ADAM18: variants seen among roughly 807,000 people sequenced by gnomAD.
ADAM18 encodes disintegrin and metalloproteinase domain-containing protein 18.
A neutral mutation model predicts 94.4 loss-of-function variants in ADAM18; 117 were observed. That is an observed-to-expected ratio of 1.24 (90% confidence interval 1.07 to 1.45). The LOEUF (loss-of-function observed/expected upper bound fraction) is 1.45. Ranked by LOEUF, ADAM18 falls within the 40% of genes most tolerant of loss-of-function variation. The pLI is 0.00. For synonymous variants in ADAM18, 327 were observed against 291.6 expected, an observed-to-expected ratio of 1.12 and a Z score of -1.24; for missense variants, 936 against 880.0, an observed-to-expected ratio of 1.06 and a Z score of -0.81.
intron 16 of ADAM18, among the ~76,000 whole-genome samples, chr8:39,690,431 G>A (rs973823685): frequency 5.9e-5 from 9 of 152,134 alleles, no homozygotes; most frequent in South Asian, 2.1e-4. Flanking sequence ...TGTCATAGGT[G>A]GGAGGTGCTA....
chr8:39,587,870 C>T (rs1325720131), intron 2 of ADAM18, among the ~76,000 whole-genome samples: 3 of 152,098 alleles, frequency 2.0e-5, no homozygotes, highest in Admixed American at 6.5e-5. Flanking sequence ...ATAGGATTTC[C>T]TTCTTTTTTG....
intron 18 of ADAM18, among the ~76,000 whole-genome samples, chr8:39,709,069 C>G (rs1345440944): frequency 1.3e-5 from 2 of 152,230 alleles, no homozygotes; most frequent in African/African-American, 4.8e-5. Flanking sequence ...GTGTGACAGT[C>G]TTTTGCATCC....
At chr8:39,660,970 G>A (rs1820817844) in intron 12 of ADAM18, among the ~76,000 whole-genome samples, 1 of 152,052 alleles carries the variant, frequency 6.6e-6, no homozygotes, top group Admixed American at 6.6e-5. Context: ...TTCCATAGGT[G>A]ATAATGTTGG....
At chr8:39,630,777 G>A (rs138699320) in intron 7 of ADAM18, among the ~76,000 whole-genome samples, 38 of 151,948 alleles carry the variant, frequency 2.5e-4, no homozygotes, top group African/African-American at 8.2e-4. Context: ...CATGGGATTG[G>A]TATGTTACCT....
At chr8:39,651,055 CAT>C (rs984344559) in intron 12 of ADAM18, among the ~76,000 whole-genome samples, 60 of 152,322 alleles carry the variant, frequency 3.9e-4, no homozygotes, top group African/African-American at 1.3e-3. Flanking sequence ...AGCAGGAAAA[CAT>C]GTGAACAAAT....
intron 2 of ADAM18, among the ~76,000 whole-genome samples, chr8:39,595,277 A>C (rs1818707848): frequency 6.6e-6 from 1 of 152,024 alleles, no homozygotes; most frequent in African/African-American, 2.4e-5. Context: ...GAATAGGTGA[A>C]GCACAGGGCT....
At chr8:39,615,937 C>T (rs1487124234) in intron 6 of ADAM18, among the ~76,000 whole-genome samples, 1 of 152,062 alleles carries the variant, frequency 6.6e-6, no homozygotes, top group Non-Finnish European at 1.5e-5. Context: ...AGGGGCAAAT[C>T]AAGAACACAA....
chr8:39,631,530 C>T (rs1474976473), intron 7 of ADAM18, among the ~76,000 whole-genome samples: 1 of 151,958 alleles, frequency 6.6e-6, no homozygotes, highest in Non-Finnish European at 1.5e-5. Context: ...CTGTTCACTT[C>T]CATTGCCCTA....
chr8:39,620,906 T>C (rs1819596675), intron 6 of ADAM18, among the ~76,000 whole-genome samples: 1 of 151,782 alleles, frequency 6.6e-6, no homozygotes, highest in Non-Finnish European at 1.5e-5. Flanking sequence ...GAATATTTAA[T>C]GGATACAATA....
At chr8:39,590,838 T>A (rs1394789954) in intron 2 of ADAM18, among the ~76,000 whole-genome samples, 1 of 152,204 alleles carries the variant, frequency 6.6e-6, no homozygotes, top group Admixed American at 6.5e-5. Context: ...AACTCTCTCA[T>A]GATTCCTTCT....
chr8:39,626,915 G>T (rs1168999757), intron 6 of ADAM18, among the ~76,000 whole-genome samples: 1 of 152,034 alleles, frequency 6.6e-6, no homozygotes, highest in Admixed American at 6.6e-5. Context: ...AGGTCCATTT[G>T]TTCTAGAGTA....
chr8:39,593,312 A>G (rs780796792), intron 2 of ADAM18, among the ~76,000 whole-genome samples: 10 of 152,166 alleles, frequency 6.6e-5, no homozygotes, highest in Non-Finnish European at 8.8e-5. Context: ...TAAAATGTCC[A>G]TACTACCCAA....
intron 14 of ADAM18, among the ~76,000 whole-genome samples, chr8:39,674,712 C>CAAAATGAAG (rs1821251889): frequency 6.6e-6 from 1 of 151,982 alleles, no homozygotes; most frequent in South Asian, 2.1e-4. Flanking sequence ...AGTTTCTTCT[C>CAAAATGAAG]TACATCGATG....
intron 5 of ADAM18, 115 bp from the exon 6 acceptor site, chr8:39,610,414 A>G: frequency 8.0e-7 from 1 of 1,255,392 alleles, no homozygotes. Context: ...AAATGGGCTT[A>G]AAATGTGTTC....
At chr8:39,677,410 C>A in intron 14 of ADAM18, 21 bp from the exon 15 acceptor site, 1 of 1,556,166 alleles carries the variant, frequency 6.4e-7, no homozygotes, top group Non-Finnish European at 8.8e-7. Flanking sequence ...GATAATTCAA[C>A]TGACATGTTT....
intron 12 of ADAM18, among the ~76,000 whole-genome samples, chr8:39,653,507 A>G (rs907239094): frequency 2.6e-5 from 4 of 152,234 alleles, no homozygotes; most frequent in Non-Finnish European, 5.9e-5. Context: ...TAGCCTTAAA[A>G]GAAATCACAT....
chr8:39,611,117 C>T (rs903746361), intron 6 of ADAM18: 4 of 989,738 alleles, frequency 4.0e-6, no homozygotes, highest in Admixed American at 6.1e-5. Context: ...TGCTGGTAGA[C>T]TAGGTATAGA....
intron 6 of ADAM18, chr8:39,611,333 C>A: frequency 1.6e-6 from 1 of 638,032 alleles, no homozygotes; most frequent in Non-Finnish European, 1.9e-6. Flanking sequence ...ATGAATGGAT[C>A]TCTTTGTGTT....
chr8:39,695,682 A>G (rs1191151632), intron 17 of ADAM18, among the ~76,000 whole-genome samples: 2 of 151,342 alleles, frequency 1.3e-5, no homozygotes, highest in African/African-American at 4.8e-5. Flanking sequence ...GTATTATACA[A>G]TATTTGTCCT....
Sources: gnomAD v4.1 joint callset for allele counts (sites outside exome capture counted in the v4.1 genomes callset) on GRCh38, gnomAD v4.1.1 for gene constraint, MANE v1.5 for transcripts, NCBI Gene and HGNC (gene_info 2026-07-23, HGNC 2026-07-21) for gene names.